The following COL15A1 variants were observed in gnomAD, a reference collection of about 807,000 sequenced individuals.
The protein encoded by COL15A1 is collagen alpha-1(XV) chain.
A neutral mutation model predicts 165.9 loss-of-function variants in COL15A1; 111 were observed. The ratio of observed to expected loss-of-function variants is 0.67; its 90% CI spans 0.57 to 0.78. The LOEUF (loss-of-function observed/expected upper bound fraction) is 0.78, where lower values mean the gene tolerates loss of function less well. Ranked by LOEUF, COL15A1 falls within the 30% of genes least tolerant of loss-of-function variation. COL15A1 has a pLI of 0.00. For synonymous variants in COL15A1, 659 were observed against 674.8 expected (o/e 0.98, Z 0.36); for missense variants, 1,745 against 1,789.7 (o/e 0.98, Z 0.45).
chr9:98,997,178 A>G, intron 6 of COL15A1, 97 bp downstream of exon 6: 2 of 1,441,870 alleles, frequency 1.4e-6, no homozygotes, highest in Non-Finnish European at 1.9e-6. Context: ...AATCTCATTT[A>G]ACCTTCCCCT....
chr9:98,969,086 C>T (rs1351278254), intron 2 of COL15A1, among the ~76,000 whole-genome samples: 1 of 152,198 alleles, frequency 6.6e-6, no homozygotes, highest in Admixed American at 6.5e-5. Flanking sequence ...CAAAACTCTA[C>T]TGGATCCTCA....
intron 2 of COL15A1, among the ~76,000 whole-genome samples, chr9:98,951,856 C>A (rs143370156): frequency 1.8e-4 from 28 of 152,304 alleles, no homozygotes; most frequent in African/African-American, 6.7e-4. Context: ...CTGCACCTGG[C>A]TACCAGTACC....
chr9:99,033,495 C>G (rs761172914), intron 16 of COL15A1, among the ~76,000 whole-genome samples: 1 of 152,232 alleles, frequency 6.6e-6, no homozygotes, highest in African/African-American at 2.4e-5. Context: ...ACCTGACTTC[C>G]ATCACAGCTT....
chr9:99,047,378 G>A (rs574032019), intron 26 of COL15A1, among the ~76,000 whole-genome samples: 5 of 152,314 alleles, frequency 3.3e-5, no homozygotes, highest in African/African-American at 4.8e-5. Flanking sequence ...GCAGGGCTGC[G>A]TTATTCAGAA....
chr9:98,999,110 T>C (rs1363125203), intron 6 of COL15A1, among the ~76,000 whole-genome samples: 2 of 152,148 alleles, frequency 1.3e-5, no homozygotes, highest in African/African-American at 4.8e-5. Context: ...CATCACAGGA[T>C]GGGACAGGAG....
chr9:98,969,985 C>T (rs1450853508), intron 2 of COL15A1, among the ~76,000 whole-genome samples: 1 of 151,338 alleles, frequency 6.6e-6, no homozygotes. Flanking sequence ...CATGCCCAAG[C>T]CACACCTGAA....
intron 2 of COL15A1, among the ~76,000 whole-genome samples, chr9:98,950,437 T>C (rs1837660939): frequency 6.7e-6 from 1 of 149,820 alleles, no homozygotes; most frequent in African/African-American, 2.4e-5. Flanking sequence ...TTCTTTCTTT[T>C]TTCTTTCTCC....
intron 9 of COL15A1, among the ~76,000 whole-genome samples, chr9:99,012,383 A>G (rs2118980422): frequency 6.6e-6 from 1 of 152,350 alleles, no homozygotes; most frequent in Admixed American, 6.5e-5. Flanking sequence ...ATTAATACAA[A>G]CACATTGTCC....
At chr9:99,013,212 T>G (rs1838874504) in intron 9 of COL15A1, among the ~76,000 whole-genome samples, 1 of 152,094 alleles carries the variant, frequency 6.6e-6, no homozygotes, top group Non-Finnish European at 1.5e-5. Context: ...CCAGCTCCTA[T>G]ATGCACTTCC....
intron 40 of COL15A1, among the ~76,000 whole-genome samples, chr9:99,068,321 C>A (rs113697082): frequency 1.2e-4 from 18 of 151,926 alleles, no homozygotes; most frequent in Non-Finnish European, 2.6e-4. Context: ...CAAAATTAGC[C>A]GGGTATGGTG....
At chr9:99,060,249 TATATA>T (rs1460351428) in intron 36 of COL15A1, among the ~76,000 whole-genome samples, 29 of 127,316 alleles carry the variant, frequency 2.3e-4, no homozygotes, top group African/African-American at 1.0e-3. Flanking sequence ...TATATATATA[TATATA>T]TATTTTTTTT....
chr9:98,954,501 G>A (rs772663327), intron 2 of COL15A1, among the ~76,000 whole-genome samples: 11 of 151,980 alleles, frequency 7.2e-5, no homozygotes, highest in Non-Finnish European at 1.0e-4. Context: ...TTAAATACTC[G>A]TCTCTAATAT....
Position 98,985,778 on chromosome 9 carries a change from G to T in COL15A1, c.314G>T (p.Gly105Val). 6.2e-7 allele frequency: 1 copy of T among 1,614,040 alleles called. No homozygotes were observed. The highest frequency in any genetic ancestry group is 8.5e-7 in the Non-Finnish European group (1 of 1,180,026). The change falls in exon 3 of 42, where the codon GGC becomes GTC. Residue 105 changes from glycine (G) to valine (V), a missense_variant. By Grantham distance (109) the Gly-to-Val change is moderately radical. Coordinates refer to ENST00000375001, the MANE Select transcript of COL15A1 (RefSeq NM_001855.5). Reference sequence around the variant, plus strand: ...GTGAAGCCCAGCAGCACCCGTGGTGGCGTGCTCTTCGCCATCACTGACGCC... The same window carrying T: ...GTGAAGCCCAGCAGCACCCGTGGTGTCGTGCTCTTCGCCATCACTGACGCC... ...VVVKPSSTRG[G>V]VLFAITDAFQ...
At chr9:98,952,908 A>G (rs1345355189) in intron 2 of COL15A1, among the ~76,000 whole-genome samples, 1 of 152,196 alleles carries the variant, frequency 6.6e-6, no homozygotes, top group African/African-American at 2.4e-5. Flanking sequence ...GTCGTTTTAA[A>G]TCCATACAAT....
Position 99,055,296 on chromosome 9 carries a change from A to AAGG in COL15A1, c.3119_3121dup (p.Gly1040dup). The stretch of plus-strand genomic sequence containing the variant: ...GGAGACAAGGGGTTCAAAGGTGAAA[A>AAGG]AGGAGAAAAAGGAGACATTAATGGC... On this transcript the variant is annotated inframe_insertion, in exon 34 of 42. Coordinates refer to ENST00000375001, the MANE Select transcript of COL15A1 (RefSeq NM_001855.5). 1 of 1,613,806 alleles carries AAGG rather than the reference A, an allele frequency of 6.2e-7. No homozygotes were observed.
chr9:99,040,131 TAAC>T (rs1839375593), intron 22 of COL15A1, among the ~76,000 whole-genome samples: 1 of 152,240 alleles, frequency 6.6e-6, no homozygotes, highest in Non-Finnish European at 1.5e-5. Context: ...GCAAACCAGC[TAAC>T]AAGTGAAAGT....
At chr9:99,064,959 G>GAA (rs1433001491) in intron 39 of COL15A1, among the ~76,000 whole-genome samples, 1 of 152,038 alleles carries the variant, frequency 6.6e-6, no homozygotes, top group Non-Finnish European at 1.5e-5. Context: ...GAATGGAGAA[G>GAA]AAAATAGTAA....
At chr9:99,001,813 G>A (rs986687696) in intron 7 of COL15A1, among the ~76,000 whole-genome samples, 1 of 152,162 alleles carries the variant, frequency 6.6e-6, no homozygotes. Context: ...GGCTTTTGGT[G>A]TGGAAGATGC....
intron 2 of COL15A1, among the ~76,000 whole-genome samples, chr9:98,974,086 G>T (rs888655675): frequency 1.3e-5 from 2 of 152,242 alleles, no homozygotes; most frequent in African/African-American, 4.8e-5. Context: ...CGACTTGTGT[G>T]TGGTCTCAGA....
Sources: gnomAD v4.1 joint callset for allele counts (sites outside exome capture counted in the v4.1 genomes callset) on GRCh38, gnomAD v4.1.1 for gene constraint, MANE v1.5 for transcripts, NCBI Gene and HGNC (gene_info 2026-07-23, HGNC 2026-07-21) for gene names.